Variants in KCNN2 observed in about 807,000 individuals in gnomAD.
KCNN2 encodes small conductance calcium-activated potassium channel protein 2.
KCNN2 carries 24 observed loss-of-function variants against 55.5 expected under a neutral mutation model. That is an observed-to-expected ratio of 0.43 (90% confidence interval 0.31 to 0.61). The LOEUF (loss-of-function observed/expected upper bound fraction) is 0.61. KCNN2 is among the 20% of genes least tolerant of loss of function. The probability of loss-of-function intolerance (pLI) is 0.08; values close to 1 mark genes in which losing one functional copy is unlikely to be tolerated. For missense variants in KCNN2, 754 were observed against 853.6 expected (o/e 0.88, Z 1.45); for synonymous variants, 431 against 336.1 (o/e 1.28, Z -3.09).
chr5:114,366,910 CT>C (rs779324219), intron 2 of KCNN2, among the ~76,000 whole-genome samples: 13 of 152,192 alleles, frequency 8.5e-5, no homozygotes, highest in Non-Finnish European at 1.8e-4. Context: ...GACAGTTTAG[CT>C]TTTTCTTTTT....
At chr5:114,190,448 A>G (rs952315984) in intron 1 of KCNN2, among the ~76,000 whole-genome samples, 12 of 152,166 alleles carry the variant, frequency 7.9e-5, no homozygotes, top group African/African-American at 2.4e-4. Context: ...TAATGAGTTA[A>G]AGAAAGCAAG....
At chr5:114,170,628 T>C (rs1753012931) in intron 1 of KCNN2, among the ~76,000 whole-genome samples, 1 of 152,128 alleles carries the variant, frequency 6.6e-6, no homozygotes, top group East Asian at 1.9e-4. Flanking sequence ...TATCCAACTT[T>C]CCATATGTTG....
intron 3 of KCNN2, among the ~76,000 whole-genome samples, chr5:114,420,242 A>T (rs879578715): frequency 7.2e-5 from 11 of 152,248 alleles, no homozygotes; most frequent in Admixed American, 5.2e-4. Context: ...CTTTCCTTTG[A>T]CTAGGGAAAT....
chr5:114,439,506 C>T (rs1760132495), intron 3 of KCNN2, among the ~76,000 whole-genome samples: 1 of 152,082 alleles, frequency 6.6e-6, no homozygotes, highest in Non-Finnish European at 1.5e-5. Flanking sequence ...AGTCTTGACA[C>T]CTAGGAGCCA....
chr5:114,347,024 C>T (rs1037373360), intron 2 of KCNN2, among the ~76,000 whole-genome samples: 11 of 152,192 alleles, frequency 7.2e-5, no homozygotes, highest in Admixed American at 5.2e-4. Flanking sequence ...ACACCCATTA[C>T]CTTTATATGG....
chr5:114,208,418 C>T (rs1207449846), intron 1 of KCNN2, among the ~76,000 whole-genome samples: 2 of 152,182 alleles, frequency 1.3e-5, no homozygotes, highest in Non-Finnish European at 2.9e-5. Context: ...TCCCTCCACT[C>T]TATGCTAATG....
chr5:114,225,253 T>G (rs1000965572), intron 2 of KCNN2, among the ~76,000 whole-genome samples: 1 of 152,156 alleles, frequency 6.6e-6, no homozygotes, highest in African/African-American at 2.4e-5. Flanking sequence ...TTAATTCTCT[T>G]AAATCCAAAA....
At chr5:114,299,277 C>G (rs1756101989) in intron 2 of KCNN2, among the ~76,000 whole-genome samples, 1 of 152,102 alleles carries the variant, frequency 6.6e-6, no homozygotes, top group South Asian at 2.1e-4. Context: ...TTGGGAGCAA[C>G]TTAGGTCCGA....
chr5:114,114,916 A>G (rs976847212), intron 1 of KCNN2, among the ~76,000 whole-genome samples: 5 of 152,150 alleles, frequency 3.3e-5, no homozygotes, highest in Non-Finnish European at 4.4e-5. Flanking sequence ...GCTCAATTCT[A>G]TGACTTCTCA....
At chr5:114,244,993 T>C (rs898533409) in intron 2 of KCNN2, among the ~76,000 whole-genome samples, 2 of 152,180 alleles carry the variant, frequency 1.3e-5, no homozygotes, top group African/African-American at 4.8e-5. Context: ...GCTGTCAAAT[T>C]ACTCAGCATA....
chr5:114,184,305 T>C (rs1580598207), intron 1 of KCNN2, among the ~76,000 whole-genome samples: 1 of 152,226 alleles, frequency 6.6e-6, no homozygotes, highest in East Asian at 1.9e-4. Context: ...AGTGATTCTA[T>C]AACTTAAAAT....
intron 1 of KCNN2, among the ~76,000 whole-genome samples, chr5:114,170,736 T>C (rs1325866680): frequency 2.0e-5 from 3 of 152,020 alleles, no homozygotes; most frequent in Non-Finnish European, 4.4e-5. Context: ...TCAATTTTTT[T>C]CCAAAAACCT....
At chr5:114,232,938 T>TTTTTTTTTTTTTTTTTTG in intron 2 of KCNN2, among the ~76,000 whole-genome samples, 1 of 116,952 alleles carries the variant, frequency 8.6e-6, no homozygotes, top group African/African-American at 3.1e-5. Context: ...TTTTTTTTTT[T>TTTTTTTTTTTTTTTTTTG]GAGACGGAGT....
intron 3 of KCNN2, among the ~76,000 whole-genome samples, chr5:114,413,210 A>G (rs1170218967): frequency 6.6e-6 from 1 of 152,168 alleles, no homozygotes; most frequent in Admixed American, 6.6e-5. Context: ...GGAAAGAAAA[A>G]CCAGTACTCC....
At chr5:114,274,425 G>A (rs1353415258) in intron 2 of KCNN2, among the ~76,000 whole-genome samples, 1 of 152,170 alleles carries the variant, frequency 6.6e-6, no homozygotes, top group Non-Finnish European at 1.5e-5. Flanking sequence ...ATTACTTTGG[G>A]CAGTAAGGCC....
chr5:114,134,358 G>A (rs1013366142), intron 1 of KCNN2, among the ~76,000 whole-genome samples: 1 of 151,340 alleles, frequency 6.6e-6, no homozygotes, highest in Non-Finnish European at 1.5e-5. Flanking sequence ...GTAAGTATAA[G>A]GGTCTAGCAA....
At chr5:114,301,903 T>C (rs1192273744) in intron 2 of KCNN2, among the ~76,000 whole-genome samples, 1 of 152,190 alleles carries the variant, frequency 6.6e-6, no homozygotes, top group Non-Finnish European at 1.5e-5. Flanking sequence ...TTTACTTATG[T>C]TATCTCTAAT....
At chr5:114,218,978 G>C (rs1210719173) in intron 1 of KCNN2, among the ~76,000 whole-genome samples, 1 of 152,208 alleles carries the variant, frequency 6.6e-6, no homozygotes, top group Non-Finnish European at 1.5e-5. Context: ...GCAGGAACCA[G>C]AGCAAGCACT....
intron 1 of KCNN2, among the ~76,000 whole-genome samples, chr5:114,155,251 G>A (rs1265314149): frequency 1.3e-5 from 2 of 152,138 alleles, no homozygotes; most frequent in Non-Finnish European, 2.9e-5. Context: ...GTATTCTATG[G>A]TGTATATGTA....
Sources: allele counts gnomAD v4.1 joint callset (sites outside exome capture counted in the v4.1 genomes callset), GRCh38; gene constraint gnomAD v4.1.1; transcripts MANE v1.5; gene names NCBI Gene and HGNC (gene_info 2026-07-23, HGNC 2026-07-21).